GALNTL6: variants seen among roughly 807,000 people sequenced by gnomAD.
The protein encoded by GALNTL6 is polypeptide N-acetylgalactosaminyltransferase-like 6.
Under a neutral mutation model 73.7 loss-of-function variants are expected in GALNTL6, and 46 were observed. The observed-to-expected ratio is 0.62, with a 90% CI of 0.49 to 0.80. The LOEUF (loss-of-function observed/expected upper bound fraction) is 0.80, where lower values mean the gene tolerates loss of function less well. Among genes scored for constraint, GALNTL6 ranks in the 30% least tolerant of loss-of-function variants. The pLI, the probability that GALNTL6 is intolerant of heterozygous loss-of-function variation, is 0.00. For synonymous variants in GALNTL6, 259 were observed against 263.7 expected (o/e 0.98, Z 0.17); for missense variants, 604 against 755.0 (o/e 0.80, Z 2.34).
At chr4:172,527,088 A>T (rs988333455) in intron 5 of GALNTL6, among the ~76,000 whole-genome samples, 5 of 152,200 alleles carry the variant, frequency 3.3e-5, no homozygotes, top group African/African-American at 1.2e-4. Context: ...ATACAGTATA[A>T]CCACAGATCT....
Position 172,341,307 on chromosome 4 carries a change from C to T in GALNTL6, c.387-7216C>T, listed in dbSNP as rs964336306. Among the ~76,000 whole-genome samples the T allele has an allele frequency of 6.6e-5, 10 of 150,624 alleles. No homozygotes were observed. The East Asian group carries it at 7.8e-4, about 12-fold the overall frequency. On this transcript the variant is annotated intron_variant, in intron 4 of 12. Transcript: ENST00000506823. ...TCTACTAAAAATACAAAAAATTAGC[C>T]GGGCGTAGTGGCGGGCGCCTGTAGT...
At chr4:171,859,158 T>C (rs1420016906) in intron 2 of GALNTL6, among the ~76,000 whole-genome samples, 1 of 152,196 alleles carries the variant, frequency 6.6e-6, no homozygotes, top group East Asian at 1.9e-4. Context: ...TCTTTTCTTA[T>C]AATTCTCTAG....
chr4:172,662,628 A>G (rs528071027), intron 5 of GALNTL6, among the ~76,000 whole-genome samples: 46 of 152,286 alleles, frequency 3.0e-4, no homozygotes, highest in African/African-American at 1.1e-3. Context: ...CTCCTGCCTA[A>G]TTGGTATACT....
At chr4:172,881,348 A>C (rs1745441228) in intron 7 of GALNTL6, among the ~76,000 whole-genome samples, 1 of 152,210 alleles carries the variant, frequency 6.6e-6, no homozygotes, top group African/African-American at 2.4e-5. Context: ...AAAAAATTAC[A>C]TGAGAGAGTG....
At chr4:172,791,863 C>T (rs1009997430) in intron 5 of GALNTL6, among the ~76,000 whole-genome samples, 1 of 152,080 alleles carries the variant, frequency 6.6e-6, no homozygotes, top group African/African-American at 2.4e-5. Context: ...AGAAAACAGC[C>T]CAGCAAAAGA....
intron 8 of GALNTL6, among the ~76,000 whole-genome samples, chr4:172,909,685 T>TAA (rs1188261173): frequency 6.6e-6 from 1 of 152,138 alleles, no homozygotes; most frequent in African/African-American, 2.4e-5. Context: ...TCACTGTAGT[T>TAA]AAAAGTGGTA....
intron 2 of GALNTL6, among the ~76,000 whole-genome samples, chr4:172,139,382 T>C (rs1307210451): frequency 2.0e-5 from 3 of 152,194 alleles, no homozygotes. Flanking sequence ...TTAGAATAAT[T>C]TGACAAACAC....
At chr4:171,946,670 C>T (rs1008851139) in intron 2 of GALNTL6, among the ~76,000 whole-genome samples, 3 of 152,150 alleles carry the variant, frequency 2.0e-5, no homozygotes, top group Non-Finnish European at 4.4e-5. Context: ...GAAGAGATAA[C>T]ATACTTTGGA....
intron 5 of GALNTL6, among the ~76,000 whole-genome samples, chr4:172,684,074 T>G (rs1732783206): frequency 6.6e-6 from 1 of 152,182 alleles, no homozygotes; most frequent in African/African-American, 2.4e-5. Context: ...CTTATTAAAT[T>G]TACTAGAAAT....
chr4:173,010,720 G>A (rs558387551), intron 11 of GALNTL6, among the ~76,000 whole-genome samples: 7 of 151,378 alleles, frequency 4.6e-5, no homozygotes, highest in Non-Finnish European at 7.4e-5. Context: ...TCAGCCTCCC[G>A]AGAAGCTGGG....
chr4:172,684,848 T>C (rs1470106706), intron 5 of GALNTL6, among the ~76,000 whole-genome samples: 1 of 152,202 alleles, frequency 6.6e-6, no homozygotes, highest in African/African-American at 2.4e-5. Context: ...AATGATTTCA[T>C]TCCTCAAGCT....
intron 11 of GALNTL6, among the ~76,000 whole-genome samples, chr4:173,014,340 T>C (rs1188842124): frequency 2.6e-5 from 4 of 152,204 alleles, no homozygotes; most frequent in African/African-American, 4.8e-5. Flanking sequence ...CCAGCTCCCA[T>C]TGAGTCCAAG....
chr4:171,829,148 C>T (rs968509561), intron 2 of GALNTL6, among the ~76,000 whole-genome samples: 4 of 152,102 alleles, frequency 2.6e-5, no homozygotes, highest in African/African-American at 9.7e-5. Context: ...CAGCACTTTT[C>T]AATGGTAAAC....
At chr4:172,117,291 C>A (rs542475344) in intron 2 of GALNTL6, among the ~76,000 whole-genome samples, 43 of 152,272 alleles carry the variant, frequency 2.8e-4, no homozygotes, top group Admixed American at 7.8e-4. Context: ...ATGGTAATCA[C>A]ATATTGTCTA....
chr4:172,786,639 C>A (rs1445070440), intron 5 of GALNTL6, among the ~76,000 whole-genome samples: 4 of 152,108 alleles, frequency 2.6e-5, no homozygotes, highest in Non-Finnish European at 4.4e-5. Context: ...ACGGCCAAGT[C>A]CCTGCTCTCA....
chr4:172,644,475 A>G (rs1003671474), intron 5 of GALNTL6, among the ~76,000 whole-genome samples: 9 of 151,914 alleles, frequency 5.9e-5, no homozygotes, highest in Non-Finnish European at 1.3e-4. Flanking sequence ...TTGACTTTCA[A>G]ATAAACAGAA....
intron 7 of GALNTL6, among the ~76,000 whole-genome samples, chr4:172,817,290 G>A (rs1426043011): frequency 1.3e-5 from 2 of 151,872 alleles, no homozygotes; most frequent in Admixed American, 1.3e-4. Context: ...ATATAGTGGG[G>A]CATGGTGGTG....
chr4:172,730,815 TC>T, intron 5 of GALNTL6, among the ~76,000 whole-genome samples: 1 of 152,252 alleles, frequency 6.6e-6, no homozygotes, highest in African/African-American at 2.4e-5. Context: ...GCACAGTGGC[TC>T]CTGCCTGTAA....
intron 3 of GALNTL6, among the ~76,000 whole-genome samples, chr4:172,260,794 C>G (rs1738232028): frequency 1.3e-5 from 2 of 151,048 alleles, no homozygotes; most frequent in African/African-American, 4.8e-5. Flanking sequence ...GCTAATTTTG[C>G]CAAAGGTTTT....
Sources: allele counts gnomAD v4.1 joint callset (sites outside exome capture counted in the v4.1 genomes callset), GRCh38; gene constraint gnomAD v4.1.1; transcripts MANE v1.5; gene names NCBI Gene and HGNC (gene_info 2026-07-23, HGNC 2026-07-21).